The following RAPGEF5 variants were observed in gnomAD, a reference collection of about 807,000 sequenced individuals.
RAPGEF5 encodes the protein Rap guanine nucleotide exchange factor 5.
In RAPGEF5, 65 loss-of-function variants were observed where a neutral mutation model predicts 125.2. That is an observed-to-expected ratio of 0.52 (90% CI 0.43 to 0.64). The LOEUF is 0.64. Ranked by LOEUF, RAPGEF5 falls within the 30% of genes least tolerant of loss-of-function variation. The probability of loss-of-function intolerance (pLI) is 0.00; values close to 1 mark genes in which losing one functional copy is unlikely to be tolerated. For missense variants in RAPGEF5, 958 were observed against 1,048.1 expected, an observed-to-expected ratio of 0.91 and a Z score of 1.19; for synonymous variants, 391 against 385.9, an observed-to-expected ratio of 1.01 and a Z score of -0.16.
chr7:22,211,008 A>G (rs1395286112), intron 9 of RAPGEF5, among the ~76,000 whole-genome samples: 1 of 152,230 alleles, frequency 6.6e-6, no homozygotes, highest in Non-Finnish European at 1.5e-5. Context: ...TGGTCATGTT[A>G]TAAGTAAAAT....
At chr7:22,268,822 G>A (rs1184502295) in intron 6 of RAPGEF5, among the ~76,000 whole-genome samples, 1 of 152,126 alleles carries the variant, frequency 6.6e-6, no homozygotes, top group Non-Finnish European at 1.5e-5. Flanking sequence ...ATTAGAAAAT[G>A]ATGCCCAAAA....
At chr7:22,248,620 A>T (rs1786539830) in intron 7 of RAPGEF5, among the ~76,000 whole-genome samples, 1 of 152,112 alleles carries the variant, frequency 6.6e-6, no homozygotes, top group African/African-American at 2.4e-5. Flanking sequence ...ATAATCTCCT[A>T]TTTCCTTAAC....
rs1783067076 is a variant in RAPGEF5 at position 22,135,987 on chromosome 7, T to C, written c.2416+51A>G. The C allele has an allele frequency of 2.8e-6, 4 of 1,451,052 alleles. No homozygotes were observed. In the Admixed American group the frequency reaches 7.8e-5, roughly 28 times the overall value. The allele number at this position is 1,451,052 out of a possible 1,614,324, so 89.9% of individuals were successfully genotyped here. The stretch of plus-strand genomic sequence containing the variant: ...TTTTTGCCCTCAATAGTTACAGTAA[T>C]AAATTTCTGAAATATGAAATTACAT... On this transcript the variant is annotated intron_variant, in intron 23 of 25. Coordinates refer to ENST00000665637, the MANE Select transcript of RAPGEF5 (RefSeq NM_012294.5).
At chr7:22,283,948 G>T (rs866461714) in intron 6 of RAPGEF5, among the ~76,000 whole-genome samples, 8 of 152,014 alleles carry the variant, frequency 5.3e-5, no homozygotes, top group African/African-American at 1.9e-4. Context: ...GTATCATCCT[G>T]CTTACCAAAA....
chr7:22,253,592 T>C (rs1275393172), intron 7 of RAPGEF5, among the ~76,000 whole-genome samples: 1 of 152,180 alleles, frequency 6.6e-6, no homozygotes, highest in Non-Finnish European at 1.5e-5. Context: ...TAAACACTCT[T>C]TATTAGAACA....
At chr7:22,222,516 G>C (rs765581567) in intron 8 of RAPGEF5, among the ~76,000 whole-genome samples, 1 of 152,128 alleles carries the variant, frequency 6.6e-6, no homozygotes, top group African/African-American at 2.4e-5. Context: ...AAGTACAAGG[G>C]CCCTAATGCT....
intron 9 of RAPGEF5, among the ~76,000 whole-genome samples, chr7:22,215,638 G>T (rs1395528970): frequency 6.6e-6 from 1 of 152,210 alleles, no homozygotes; most frequent in East Asian, 1.9e-4. Context: ...TAGAATAGAA[G>T]TATAGTAACA....
chr7:22,329,026 C>G (rs1007522934), intron 1 of RAPGEF5, among the ~76,000 whole-genome samples: 19 of 152,150 alleles, frequency 1.2e-4, no homozygotes, highest in African/African-American at 4.6e-4. Context: ...TCTGTAAGCT[C>G]CAAGAGCAAC....
chr7:22,305,672 G>A (rs887445840), intron 5 of RAPGEF5, among the ~76,000 whole-genome samples: 6 of 151,638 alleles, frequency 4.0e-5, no homozygotes, highest in Non-Finnish European at 8.8e-5. Context: ...ACGTTTTTTT[G>A]GTACCCATTA....
chr7:22,188,916 T>C (rs1476504426), intron 11 of RAPGEF5, among the ~76,000 whole-genome samples: 1 of 152,076 alleles, frequency 6.6e-6, no homozygotes, highest in Non-Finnish European at 1.5e-5. Flanking sequence ...TTCAATCACA[T>C]GCTCAACCTA....
chr7:22,125,388 G>A (rs1439829905), intron 25 of RAPGEF5: 5 of 487,768 alleles, frequency 1.0e-5, no homozygotes, highest in African/African-American at 2.0e-5. Flanking sequence ...TTGCTGCCAT[G>A]AGGGGATAAT....
At chr7:22,199,783 T>G (rs1004343650) in intron 9 of RAPGEF5, among the ~76,000 whole-genome samples, 8 of 152,064 alleles carry the variant, frequency 5.3e-5, no homozygotes, top group African/African-American at 1.9e-4. Flanking sequence ...GAATTACTCA[T>G]GACATTCTAG....
chr7:22,356,796 C>A, intron 1 of RAPGEF5, 34 bp downstream of exon 1: 2 of 1,122,414 alleles, frequency 1.8e-6, no homozygotes, highest in Non-Finnish European at 2.2e-6. Context: ...GTGCGCGCCG[C>A]CCGTGCCCAC....
At chr7:22,206,092 A>G (rs900064209) in intron 9 of RAPGEF5, among the ~76,000 whole-genome samples, 1 of 152,334 alleles carries the variant, frequency 6.6e-6, no homozygotes, top group East Asian at 1.9e-4. Flanking sequence ...AAGCATGGAT[A>G]TTGCAGAATC....
chr7:22,257,281 T>A (rs944493699), intron 7 of RAPGEF5, among the ~76,000 whole-genome samples: 1 of 152,218 alleles, frequency 6.6e-6, no homozygotes, highest in East Asian at 1.9e-4. Flanking sequence ...AAGTATTCAA[T>A]AGTTTTAAAA....
rs1031516594 is a variant in RAPGEF5 at position 22,120,016 on chromosome 7, T to G, written c.*2390A>C. On this transcript the variant is annotated 3_prime_UTR_variant, in exon 26 of 26. Transcript: ENST00000665637. This position sits in a 1 kb window ranked among gnomAD's most constrained non-coding sequence, Gnocchi z 4.0. ...CCAGATCTAAGATTCTGCAAAGCTT[T>G]GGAAACTTCTGAGAGCTGCTGCCTG... 1.3e-5 allele frequency: 2 copies of G among 152,228 alleles called. No individual in the cohort carries two copies. Among genetic ancestry groups the G allele is most frequent in the Non-Finnish European group, 2.9e-5 (2 of 68,050 alleles). The allele number at this position is 152,228 out of a possible 1,614,324, so 9.4% of individuals were successfully genotyped here. A position where few individuals can be genotyped will look rare whatever the true frequency, so the allele number is the denominator to read the frequency against.
intron 1 of RAPGEF5, among the ~76,000 whole-genome samples, chr7:22,355,469 A>AT (rs1181711778): frequency 1.3e-5 from 2 of 152,202 alleles, no homozygotes; most frequent in Admixed American, 6.5e-5. Flanking sequence ...TGCAAAGTCT[A>AT]TAACTCCAGT....
intron 6 of RAPGEF5, among the ~76,000 whole-genome samples, chr7:22,279,587 C>G (rs1470521379): frequency 3.9e-5 from 6 of 152,096 alleles, no homozygotes; most frequent in Non-Finnish European, 4.4e-5. Context: ...TAGGTGCACC[C>G]CCACAGATTC....
intron 5 of RAPGEF5, among the ~76,000 whole-genome samples, chr7:22,300,154 T>C (rs1369148592): frequency 6.6e-6 from 1 of 152,212 alleles, no homozygotes; most frequent in Non-Finnish European, 1.5e-5. Flanking sequence ...CTATTCATCT[T>C]CTTCAATGTT....
Sources: allele counts gnomAD v4.1 joint callset (sites outside exome capture counted in the v4.1 genomes callset), GRCh38; gene constraint gnomAD v4.1.1; non-coding constraint Gnocchi (gnomAD v3.1); transcripts MANE v1.5; gene names NCBI Gene and HGNC (gene_info 2026-07-23, HGNC 2026-07-21).